The following CERS3 variants were observed in gnomAD, a reference collection of about 807,000 sequenced individuals.
CERS3 encodes the protein ceramide synthase 3, also known as LAG1 homolog, ceramide synthase 3.
Under a neutral mutation model 50.3 loss-of-function variants are expected in CERS3, and 33 were observed. The observed-to-expected ratio is 0.66, with a 90% CI of 0.50 to 0.88. The LOEUF (loss-of-function observed/expected upper bound fraction) is 0.88. CERS3 is among the 40% of genes least tolerant of loss of function. The pLI is 0.00. For synonymous variants in CERS3, 176 were observed against 155.2 expected, an observed-to-expected ratio of 1.13 and a Z score of -0.99; for missense variants, 470 against 460.3, an observed-to-expected ratio of 1.02 and a Z score of -0.19.
chr15:100,475,826 T>C lies in CERS3; in HGVS notation c.609+260A>G, dbSNP rs952440574. 5 of 199,402 alleles carry C rather than the reference T, an allele frequency of 2.5e-5. No individual in the cohort carries two copies. The East Asian group carries it at 5.9e-4, about 23-fold the overall frequency. The allele number at this position is 199,402 out of a possible 1,614,324, so 12.4% of individuals were successfully genotyped here. A position where few individuals can be genotyped will look rare whatever the true frequency, so the allele number is the denominator to read the frequency against. Reference sequence around the variant, plus strand: ...ACATTAAGTTCCCAAGAAACAGACATATAAAGGAAATGTTTTTTTTCTTAT... The same window carrying C: ...ACATTAAGTTCCCAAGAAACAGACACATAAAGGAAATGTTTTTTTTCTTAT... On this transcript the variant is annotated intron_variant, in intron 8 of 11. Coordinates refer to ENST00000679737, the MANE Select transcript of CERS3 (RefSeq NM_001378789.1).
intron 11 of CERS3, among the ~76,000 whole-genome samples, chr15:100,433,501 A>G (rs1371779568): frequency 6.6e-6 from 1 of 152,170 alleles, no homozygotes; most frequent in Non-Finnish European, 1.5e-5. Context: ...TAACAGGTTA[A>G]TGTCCAAATA....
chr15:100,535,771 A>G (rs1198737117), intron 1 of CERS3, among the ~76,000 whole-genome samples: 1 of 139,414 alleles, frequency 7.2e-6, no homozygotes, highest in Admixed American at 7.5e-5. Context: ...CTATGTTCAT[A>G]TGTGCACGGG....
At chr15:100,406,044 T>C (rs567224849) in intron 11 of CERS3, among the ~76,000 whole-genome samples, 40 of 152,348 alleles carry the variant, frequency 2.6e-4, no homozygotes, top group African/African-American at 9.6e-4. Context: ...TCTTCTCTCA[T>C]GGTGTCTCAA....
chr15:100,500,601 CTTTA>C (rs1434721888), intron 3 of CERS3: 3 of 152,224 alleles, frequency 2.0e-5, no homozygotes, highest in Non-Finnish European at 4.4e-5. Flanking sequence ...AATTCTTCTA[CTTTA>C]TTTATGCATT....
chr15:100,478,825 C>T (rs543283158), intron 7 of CERS3, among the ~76,000 whole-genome samples: 2 of 151,878 alleles, frequency 1.3e-5, no homozygotes, highest in South Asian at 4.2e-4. Flanking sequence ...GGATAATAAT[C>T]CCAGATGGAA....
At chr15:100,462,579 C>T (rs962726201) in intron 10 of CERS3, among the ~76,000 whole-genome samples, 1 of 152,164 alleles carries the variant, frequency 6.6e-6, no homozygotes, top group Non-Finnish European at 1.5e-5. Flanking sequence ...GCAAATGATA[C>T]ACTCTTAACC....
Position 100,467,874 on chromosome 15 carries a change from G to GATAGATAGATAGATAGATAGAT in CERS3, c.845+1503_845+1504insATCTATCTATCTATCTATCTAT, listed in dbSNP as rs779460605. Reference sequence around the variant, plus strand: ...ATATAGATAGATAGATAGATAGATAGATAGATATAGATATAGATATAGATA... The same window carrying GATAGATAGATAGATAGATAGAT: ...ATATAGATAGATAGATAGATAGATAGATAGATAGATAGATAGATAGATATAGATATAGATATAGATATAGATA... On this transcript the variant is annotated intron_variant, in intron 10 of 11. Transcript: ENST00000679737. 3.2e-3 allele frequency among the ~76,000 whole-genome samples: 149 copies of GATAGATAGATAGATAGATAGAT among 46,010 alleles called. 3 individuals carry two copies. Among genetic ancestry groups the GATAGATAGATAGATAGATAGAT allele is most frequent in the Middle Eastern group, 0.015 (1 of 68 alleles). 30.2% of individuals were successfully genotyped at this position (46,010 alleles called of 152,430 possible).
At chr15:100,518,293 G>GAC (rs1242596984) in intron 2 of CERS3, among the ~76,000 whole-genome samples, 1 of 152,140 alleles carries the variant, frequency 6.6e-6, no homozygotes, top group African/African-American at 2.4e-5. Flanking sequence ...GACAGAGAGA[G>GAC]ACACACACAG....
At chr15:100,474,713 T>C (rs1043993772) in intron 8 of CERS3, among the ~76,000 whole-genome samples, 1 of 152,260 alleles carries the variant, frequency 6.6e-6, no homozygotes, top group African/African-American at 2.4e-5. Flanking sequence ...TCAGGAAGTA[T>C]TTTATACAGA....
chr15:100,414,831 A>AAAAAC (rs1254565851), intron 11 of CERS3, among the ~76,000 whole-genome samples: 5 of 150,742 alleles, frequency 3.3e-5, no homozygotes, highest in South Asian at 2.1e-4. Flanking sequence ...AAAAAAAAAA[A>AAAAAC]CCCTGGAAGA....
intron 11 of CERS3, among the ~76,000 whole-genome samples, chr15:100,419,929 A>G (rs1041130041): frequency 2.0e-5 from 3 of 148,332 alleles, no homozygotes; most frequent in Non-Finnish European, 4.5e-5. Context: ...ACGCATTCAA[A>G]GCATGTGTAG....
At chr15:100,436,491 G>A (rs2033411554) in intron 11 of CERS3, among the ~76,000 whole-genome samples, 2 of 152,068 alleles carry the variant, frequency 1.3e-5, no homozygotes, top group African/African-American at 4.8e-5. Flanking sequence ...GGCAAGGGGA[G>A]GAAGAGCATT....
intron 5 of CERS3, among the ~76,000 whole-genome samples, chr15:100,483,939 C>A (rs1466618440): frequency 1.3e-5 from 2 of 151,374 alleles, no homozygotes; most frequent in Non-Finnish European, 2.9e-5. Context: ...CGCCACCACG[C>A]CCAGCTAATT....
At chr15:100,433,717 A>G (rs987570026) in intron 11 of CERS3, among the ~76,000 whole-genome samples, 4 of 152,238 alleles carry the variant, frequency 2.6e-5, no homozygotes, top group South Asian at 4.1e-4. Context: ...GCCCATGCAC[A>G]CATGTGCACA....
At chr15:100,450,416 CAAAAAAAA>C (rs34873483) in intron 11 of CERS3, among the ~76,000 whole-genome samples, 2 of 63,428 alleles carry the variant, frequency 3.2e-5, no homozygotes, top group Admixed American at 2.2e-4. Flanking sequence ...GACTCTGTCT[CAAAAAAAA>C]AAAAAAAAAA....
intron 5 of CERS3, among the ~76,000 whole-genome samples, chr15:100,483,173 A>C (rs2035366510): frequency 6.6e-6 from 1 of 152,168 alleles, no homozygotes; most frequent in Non-Finnish European, 1.5e-5. Flanking sequence ...CCTTTCTTTA[A>C]CTACTTCAGC....
intron 1 of CERS3, among the ~76,000 whole-genome samples, chr15:100,524,773 A>C (rs1001515449): frequency 6.6e-6 from 1 of 152,250 alleles, no homozygotes; most frequent in Middle Eastern, 3.2e-3. Flanking sequence ...ATGTTTTCAG[A>C]ATTTTTTGCT....
chr15:100,491,895 T>C (rs1421327300), intron 3 of CERS3, among the ~76,000 whole-genome samples: 2 of 4,500 alleles, frequency 4.4e-4, no homozygotes, highest in South Asian at 0.017. Context: ...ATTGATTTCT[T>C]TTTTTTTTTT....
chr15:100,426,778 T>G (rs1231447979), intron 11 of CERS3, among the ~76,000 whole-genome samples: 2 of 152,234 alleles, frequency 1.3e-5, no homozygotes, highest in Non-Finnish European at 2.9e-5. Context: ...TAACAGTCTT[T>G]AAACTCTAGT....
Sources: gnomAD v4.1 joint callset for allele counts (sites outside exome capture counted in the v4.1 genomes callset) on GRCh38, gnomAD v4.1.1 for gene constraint, MANE v1.5 for transcripts, NCBI Gene and HGNC (gene_info 2026-07-23, HGNC 2026-07-21) for gene names.